IQSEC1: variants seen among roughly 807,000 people sequenced by gnomAD.
IQSEC1 encodes the protein IQ motif and Sec7 domain ArfGEF 1, also known as IQ motif and SEC7 domain-containing protein 1.
In IQSEC1, 31 loss-of-function variants were observed where a neutral mutation model predicts 91.0. The observed-to-expected ratio is 0.34, with a 90% confidence interval of 0.26 to 0.46. IQSEC1 has a LOEUF of 0.46. Ranked by LOEUF, IQSEC1 falls within the 20% of genes least tolerant of loss-of-function variation. IQSEC1 has a pLI of 1.00. For missense variants in IQSEC1, 1,388 were observed against 1,575.6 expected (o/e 0.88, Z 2.02); for synonymous variants, 699 against 662.6 (o/e 1.05, Z -0.84).
At chr3:13,122,798 C>T (rs1436553610) in intron 2 of IQSEC1, among the ~76,000 whole-genome samples, 1 of 152,190 alleles carries the variant, frequency 6.6e-6, no homozygotes, top group East Asian at 1.9e-4. Context: ...GGATTCAAAT[C>T]CACATCTCCC....
intron 1 of IQSEC1, among the ~76,000 whole-genome samples, chr3:13,266,121 A>G (rs192684423): frequency 2.0e-4 from 30 of 152,192 alleles, no homozygotes; most frequent in Admixed American, 8.5e-4. Context: ...TGAGGGAGGC[A>G]CTGTTCTTGA....
intron 1 of IQSEC1, among the ~76,000 whole-genome samples, chr3:13,021,248 G>A (rs1307576830): frequency 1.3e-5 from 2 of 152,138 alleles, no homozygotes; most frequent in Non-Finnish European, 2.9e-5. Flanking sequence ...CCCTCCTTCT[G>A]GCAGCTGCAG....
chr3:13,216,747 G>C (rs1232590667), intron 1 of IQSEC1, among the ~76,000 whole-genome samples: 1 of 152,238 alleles, frequency 6.6e-6, no homozygotes, highest in African/African-American at 2.4e-5. Flanking sequence ...GGTCCAGACA[G>C]ACAGATGGAC....
At chr3:13,045,776 C>A (rs112216455) in intron 1 of IQSEC1, among the ~76,000 whole-genome samples, 28,408 of 152,202 alleles carry the variant, frequency 0.19, 2,831 homozygotes, top group South Asian at 0.37. Flanking sequence ...CCAGGCTCAG[C>A]CCCTACAGGA....
intron 1 of IQSEC1, among the ~76,000 whole-genome samples, chr3:13,222,745 G>T (rs1273772854): frequency 6.6e-6 from 1 of 152,130 alleles, no homozygotes; most frequent in Non-Finnish European, 1.5e-5. Flanking sequence ...CTTCCCCACC[G>T]GACTCCTCAG....
chr3:13,060,085 G>A (rs1335683957), intron 1 of IQSEC1, among the ~76,000 whole-genome samples: 1 of 152,202 alleles, frequency 6.6e-6, no homozygotes, highest in Non-Finnish European at 1.5e-5. Context: ...TGTGTGCCCG[G>A]TATATGACCT....
intron 1 of IQSEC1, among the ~76,000 whole-genome samples, chr3:13,046,167 C>T (rs74782020): frequency 0.096 from 14,683 of 152,280 alleles, 920 homozygotes; most frequent in South Asian, 0.17. Flanking sequence ...GAGCAGGTGA[C>T]GTCTGTGGAG....
intron 2 of IQSEC1, among the ~76,000 whole-genome samples, chr3:13,099,138 G>C (rs1309482888): frequency 1.3e-5 from 2 of 152,194 alleles, no homozygotes; most frequent in Non-Finnish European, 2.9e-5. Context: ...GGCTAGACTA[G>C]CCTGTCCCGC....
intron 2 of IQSEC1, among the ~76,000 whole-genome samples, chr3:13,094,664 G>A (rs1163550510): frequency 6.6e-6 from 1 of 152,134 alleles, no homozygotes; most frequent in African/African-American, 2.4e-5. Context: ...ACTGAGGACA[G>A]ATAAATCAGG....
intron 4 of IQSEC1, among the ~76,000 whole-genome samples, chr3:12,923,328 G>A (rs1456916976): frequency 1.3e-5 from 2 of 152,162 alleles, no homozygotes; most frequent in Non-Finnish European, 2.9e-5. Flanking sequence ...ATGGGGGTGG[G>A]AGCTGGGCAT....
chr3:13,269,330 C>A (rs189148637), intron 1 of IQSEC1, among the ~76,000 whole-genome samples: 1 of 152,208 alleles, frequency 6.6e-6, no homozygotes, highest in Non-Finnish European at 1.5e-5. Flanking sequence ...CCATCCACAT[C>A]GCACTGCAGG....
intron 7 of IQSEC1, 122 bp from the exon 8 acceptor site, chr3:12,915,255 C>G: frequency 1.8e-6 from 2 of 1,117,554 alleles, no homozygotes; most frequent in Admixed American, 2.0e-5. Flanking sequence ...ATGTGGGGTA[C>G]CCACTCTCTC....
chr3:13,264,226 G>A (rs1043373975), intron 1 of IQSEC1, among the ~76,000 whole-genome samples: 11 of 152,084 alleles, frequency 7.2e-5, no homozygotes, highest in South Asian at 2.1e-4. Context: ...TGTGTCTCCC[G>A]CCTGCCACAC....
chr3:13,124,456 C>T lies in IQSEC1; in HGVS notation c.302+39648G>A, dbSNP rs373303864. ...ATTGCTGAGGCTCTGCTCTGCAAGGCGGTCCATGGATCTCTATGAGTGACT... is the reference window on the plus strand; with the variant it reads ...ATTGCTGAGGCTCTGCTCTGCAAGGTGGTCCATGGATCTCTATGAGTGACT... On this transcript the variant is annotated intron_variant, in intron 2 of 15. Transcript: ENST00000648114. 5.3e-5 allele frequency among the ~76,000 whole-genome samples: 8 copies of T among 152,304 alleles called. No individual in the cohort carries two copies. The East Asian group carries it at 5.8e-4, about 11-fold the overall frequency.
chr3:13,283,148 C>G (rs1231351135), exon 1 of IQSEC1, among the ~76,000 whole-genome samples: 2 of 145,438 alleles, frequency 1.4e-5, no homozygotes, highest in Non-Finnish European at 3.1e-5. Flanking sequence ...GCCCCCGCGC[C>G]TCCTGCTCCC....
chr3:13,027,820 G>A (rs902477447), intron 1 of IQSEC1, among the ~76,000 whole-genome samples: 6 of 152,162 alleles, frequency 3.9e-5, no homozygotes, highest in Non-Finnish European at 7.4e-5. Context: ...TGCTCTGTAG[G>A]AATAAGGGCT....
intron 1 of IQSEC1, chr3:12,960,558 C>G (rs1700182715): frequency 6.6e-6 from 1 of 152,204 alleles, no homozygotes; most frequent in East Asian, 1.9e-4. Context: ...AAAGAGGGTC[C>G]ATGCATTTAC....
chr3:13,146,231 C>G (rs1335877402), intron 2 of IQSEC1, among the ~76,000 whole-genome samples: 1 of 152,006 alleles, frequency 6.6e-6, no homozygotes, highest in Non-Finnish European at 1.5e-5. Flanking sequence ...AAGTAATCTT[C>G]CCACCTTGGC....
At chr3:12,954,047 G>A (rs368928024) in intron 1 of IQSEC1, among the ~76,000 whole-genome samples, 5 of 152,326 alleles carry the variant, frequency 3.3e-5, no homozygotes, top group East Asian at 1.9e-4. Flanking sequence ...AAAGGTCTCC[G>A]TGTCCTGTGA....
Sources: allele counts gnomAD v4.1 joint callset (sites outside exome capture counted in the v4.1 genomes callset), GRCh38; gene constraint gnomAD v4.1.1; transcripts MANE v1.5; gene names NCBI Gene and HGNC (gene_info 2026-07-23, HGNC 2026-07-21).